ZP3: variants seen among roughly 807,000 people sequenced by gnomAD.
The protein encoded by ZP3 is zona pellucida sperm-binding protein 3.
Under a neutral mutation model 35.6 loss-of-function variants are expected in ZP3, and 21 were observed. That is an observed-to-expected ratio of 0.59 (90% CI 0.42 to 0.85). The LOEUF is 0.85. ZP3 is among the 40% of genes least tolerant of loss of function. ZP3 has a pLI of 0.00. For synonymous variants in ZP3, 207 were observed against 214.5 expected (o/e 0.96, Z 0.31); for missense variants, 437 against 536.5 (o/e 0.81, Z 1.83).
chr7:76,441,054 C>T (rs1438251720), intron 7 of ZP3, among the ~76,000 whole-genome samples: 1 of 150,668 alleles, frequency 6.6e-6, no homozygotes, highest in African/African-American at 2.4e-5. Context: ...GCCTGTAATC[C>T]CAGCTACTTG....
At chr7:76,436,040 T>TCCC (rs1805994801) in intron 5 of ZP3, among the ~76,000 whole-genome samples, 3 of 23,036 alleles carry the variant, frequency 1.3e-4, no homozygotes, top group African/African-American at 2.4e-4. Flanking sequence ...CTTTTTTTTT[T>TCCC]TTTTTTTTTT....
upstream of ZP3, chr7:76,424,825 A>T (rs2115880326): frequency 1.4e-6 from 1 of 729,774 alleles, no homozygotes; most frequent in East Asian, 2.7e-5. Context: ...ATGCTTCTGG[A>T]TGGAGACCAC....
intron 1 of ZP3, among the ~76,000 whole-genome samples, chr7:76,398,254 C>A (rs1804703634): frequency 6.6e-6 from 1 of 151,784 alleles, no homozygotes; most frequent in African/African-American, 2.4e-5. Flanking sequence ...CATTCTTGGG[C>A]TCATCTGACC....
chr7:76,412,317 T>G (rs1335978663), intron 1 of ZP3, among the ~76,000 whole-genome samples: 1 of 152,200 alleles, frequency 6.6e-6, no homozygotes, highest in Non-Finnish European at 1.5e-5. Flanking sequence ...CATTGTATGA[T>G]TCCGTTTATA....
chr7:76,422,182 C>A (rs1365648485), upstream of ZP3, among the ~76,000 whole-genome samples: 1 of 151,860 alleles, frequency 6.6e-6, no homozygotes, highest in Non-Finnish European at 1.5e-5. Context: ...CAGACATGAG[C>A]CACTACGCCC....
chr7:76,410,998 AG>A lies in ZP3; in HGVS notation c.-67+13202del, dbSNP rs1265740850. ...CAACAGAGCAAGACTCCATCTCAAA[AG>A]AAAAAAAAAAAAAAAAAAGAAAAGA... On this transcript the variant is annotated intron_variant, in intron 1 of 8. Coordinates refer to the ZP3 transcript ENST00000336517. Among the ~76,000 whole-genome samples, 1,290 of 134,822 alleles carry A rather than the reference AG, an allele frequency of 9.6e-3. 47 individuals carry two copies. The highest frequency in any genetic ancestry group is 0.035 in the African/African-American group (1,232 of 35,550). The allele number at this position is 134,822 out of a possible 152,430, so 88.4% of individuals were successfully genotyped here.
At position 76,425,294 on chromosome 7, in the gene ZP3, C is replaced by A; in HGVS notation, c.312+18C>A. ...GCATGCAGGTAAGAGAGGCTGGGGGCCCTGGCTTTGGTGGGAGGATGTTCG... is the reference window on the plus strand; with the variant it reads ...GCATGCAGGTAAGAGAGGCTGGGGGACCTGGCTTTGGTGGGAGGATGTTCG... On this transcript the variant is annotated intron_variant, in intron 1 of 7. Transcript: ENST00000394857. 6.3e-7 allele frequency: 1 copy of A among 1,586,984 alleles called. No homozygotes were observed. Among genetic ancestry groups the A allele is most frequent in the Non-Finnish European group, 8.6e-7 (1 of 1,165,908 alleles).
At chr7:76,440,632 G>T in intron 7 of ZP3, 21 bp downstream of exon 7, 1 of 1,598,680 alleles carries the variant, frequency 6.3e-7, no homozygotes, top group East Asian at 2.2e-5. Flanking sequence ...GAATGGCCAA[G>T]AGGCTGTTCA....
intron 2 of ZP3, among the ~76,000 whole-genome samples, chr7:76,431,193 G>A (rs3789838): frequency 0.85 from 129,160 of 152,126 alleles, 55,347 homozygotes; most frequent in East Asian, 0.99. Flanking sequence ...GCTAAGAGCA[G>A]TTGGAGGAGC....
chr7:76,425,189 A>G lies in ZP3; in HGVS notation c.225A>G (p.Pro75=), dbSNP rs1351429022. The change falls in exon 1 of 8, where the codon CCA becomes CCG. Residue 75 remains proline (P), a synonymous_variant. Coordinates refer to ENST00000394857, the MANE Select transcript of ZP3 (RefSeq NM_001110354.2). ...LIRAADLTLG[P]EACEPLVSMD... is the part of the protein sequence containing the mutation. ...GGGCTGCTGACCTCACCTTGGGCCC[A>G]GAGGCCTGTGAGCCTCTGGTCTCCA... is the stretch of plus-strand genomic sequence containing the variant. The G allele has an allele frequency of 6.2e-7, 1 of 1,614,016 alleles. No individual in the cohort carries two copies. Among genetic ancestry groups the G allele is most frequent in the Non-Finnish European group, 8.5e-7 (1 of 1,180,028 alleles).
At chr7:76,407,681 C>T (rs2115821267) in intron 1 of ZP3, among the ~76,000 whole-genome samples, 1 of 152,176 alleles carries the variant, frequency 6.6e-6, no homozygotes, top group South Asian at 2.1e-4. Flanking sequence ...TGCAGTTAGC[C>T]ATGATCATGC....
chr7:76,431,576 C>G (rs1805825289), intron 2 of ZP3, among the ~76,000 whole-genome samples: 1 of 152,168 alleles, frequency 6.6e-6, no homozygotes. Context: ...GGTAGCATCT[C>G]AAGACCTAAG....
intron 1 of ZP3, among the ~76,000 whole-genome samples, chr7:76,401,974 T>C (rs1488632208): frequency 6.6e-6 from 1 of 152,108 alleles, no homozygotes; most frequent in Non-Finnish European, 1.5e-5. Context: ...TCATCATATT[T>C]CCCTCCCTAA....
At chr7:76,429,468 C>G in intron 1 of ZP3, 47 bp from the exon 2 acceptor site, 1 of 1,588,180 alleles carries the variant, frequency 6.3e-7, no homozygotes, top group Non-Finnish European at 8.6e-7. Flanking sequence ...TTGGGAGTAC[C>G]CGGGCAGGTG....
At chr7:76,433,442 A>G (rs755590034) in intron 3 of ZP3, 28 bp from the exon 4 acceptor site, 2 of 1,601,050 alleles carry the variant, frequency 1.2e-6, no homozygotes, top group Non-Finnish European at 8.5e-7. Flanking sequence ...GGCATGAGCC[A>G]CCATGCCCAG....
intron 1 of ZP3, among the ~76,000 whole-genome samples, chr7:76,425,513 C>T (rs1805625064): frequency 6.6e-6 from 1 of 152,112 alleles, no homozygotes; most frequent in African/African-American, 2.4e-5. Context: ...CCGTGCACTT[C>T]AGGCTGGCCC....
chr7:76,433,826 G>A (rs1231299208), intron 4 of ZP3, 179 bp downstream of exon 4: 5 of 1,041,406 alleles, frequency 4.8e-6, no homozygotes, highest in African/African-American at 1.6e-5. Flanking sequence ...AGCCCCCCAA[G>A]TAGCTGAGAT....
chr7:76,410,757 G>C (rs1210589504), intron 1 of ZP3, among the ~76,000 whole-genome samples: 1 of 151,990 alleles, frequency 6.6e-6, no homozygotes, highest in African/African-American at 2.4e-5. Context: ...CACTTTGGGA[G>C]GCTGAGGTGG....
chr7:76,398,944 GTA>G lies in ZP3; in HGVS notation c.-67+1149_-67+1150del, dbSNP rs1804727838. On this transcript the variant is annotated intron_variant, in intron 1 of 8. Transcript: ENST00000336517. ...AAGAGTCACAGCCAGGAACACTGGG[GTA>G]TGAGAGGAGAGGGTCCACACCAGAG... 5 of 743,270 alleles carry G rather than the reference GTA, an allele frequency of 6.7e-6. No homozygotes were observed. In the South Asian group the frequency reaches 7.1e-5, roughly 11 times the overall value. 46.0% of individuals were successfully genotyped at this position (743,270 alleles called of 1,614,324 possible). A position where few individuals can be genotyped will look rare whatever the true frequency, so the allele number is the denominator to read the frequency against.
Sources: allele counts gnomAD v4.1 joint callset (sites outside exome capture counted in the v4.1 genomes callset), GRCh38; gene constraint gnomAD v4.1.1; transcripts MANE v1.5; gene names NCBI Gene and HGNC (gene_info 2026-07-23, HGNC 2026-07-21).